TAFA2: variants seen among roughly 807,000 people sequenced by gnomAD.
TAFA2 encodes TAFA chemokine like family member 2.
Under a neutral mutation model 18.8 loss-of-function variants are expected in TAFA2, and 7 were observed. The observed-to-expected ratio is 0.37, with a 90% CI of 0.21 to 0.70. The LOEUF (loss-of-function observed/expected upper bound fraction) is 0.70. TAFA2 is among the 30% of genes least tolerant of loss of function. The pLI, the probability that TAFA2 is intolerant of heterozygous loss-of-function variation, is 0.53. For missense variants in TAFA2, 122 were observed against 158.1 expected (o/e 0.77, Z 1.23); for synonymous variants, 60 against 54.2 (o/e 1.11, Z -0.47).
intron 2 of TAFA2, among the ~76,000 whole-genome samples, chr12:61,803,248 A>G (rs1871469675): frequency 6.6e-6 from 1 of 151,928 alleles, no homozygotes; most frequent in African/African-American, 2.4e-5. Context: ...TGAAAGCCAA[A>G]GTACTATTAG....
chr12:61,731,471 A>G (rs988909588), intron 4 of TAFA2, among the ~76,000 whole-genome samples: 1 of 152,130 alleles, frequency 6.6e-6, no homozygotes, highest in Non-Finnish European at 1.5e-5. Flanking sequence ...CAGAAGTACA[A>G]CACATTTTTT....
Position 62,235,220 on chromosome 12 carries a change from G to A in TAFA2, c.-130+23543C>T. On this transcript the variant is annotated intron_variant, in intron 1 of 5. Transcript: ENST00000551619. ...GAGTGGGAGTCGCTTAGGGGCAGTA[G>A]CTCACGCCATGCTCAGGCAGTGGCA... is the stretch of plus-strand genomic sequence containing the variant. 3 of 655,434 alleles carry A rather than the reference G, an allele frequency of 4.6e-6. No homozygotes were observed. In the South Asian group the frequency reaches 4.8e-5, roughly 11 times the overall value. 40.6% of individuals were successfully genotyped at this position (655,434 alleles called of 1,614,324 possible). A position where few individuals can be genotyped will look rare whatever the true frequency, so the allele number is the denominator to read the frequency against.
At position 62,095,104 on chromosome 12, in the gene TAFA2, G is replaced by C. The variant is rs192720394; in HGVS notation, c.-2+96155C>G. Among the ~76,000 whole-genome samples the C allele has an allele frequency of 5.3e-5, 8 of 152,130 alleles. No homozygotes were observed. In the East Asian group the frequency reaches 1.5e-3, roughly 29 times the overall value. On this transcript the variant is annotated intron_variant, in intron 1 of 4. Transcript: ENST00000416284. ...AGGGAATCTGAGTGACATAGTAAAAGTGTCCTTCGTAGGACACTTACTTAT... is the reference window on the plus strand; with the variant it reads ...AGGGAATCTGAGTGACATAGTAAAACTGTCCTTCGTAGGACACTTACTTAT...
intron 1 of TAFA2, among the ~76,000 whole-genome samples, chr12:62,112,669 C>G (rs1269250412): frequency 6.6e-6 from 1 of 152,032 alleles, no homozygotes; most frequent in South Asian, 2.1e-4. Flanking sequence ...TTCTTGGAGG[C>G]TTTCTTCGTT....
intron 1 of TAFA2, among the ~76,000 whole-genome samples, chr12:62,041,933 A>G (rs778212923): frequency 6.6e-6 from 1 of 152,196 alleles, no homozygotes; most frequent in African/African-American, 2.4e-5. Flanking sequence ...AAATACAAAA[A>G]TACAAAAGAG....
chr12:61,859,251 A>G (rs758176984), intron 2 of TAFA2, among the ~76,000 whole-genome samples: 13 of 152,168 alleles, frequency 8.5e-5, no homozygotes, highest in African/African-American at 1.2e-4. Context: ...CCAGACACTT[A>G]TAAAACCATC....
chr12:62,069,270 A>T lies in TAFA2; in HGVS notation c.-2+121989T>A, dbSNP rs1400789737. Among the ~76,000 whole-genome samples, 3 of 152,292 alleles carry T rather than the reference A, an allele frequency of 2.0e-5. No individual in the cohort carries two copies. The East Asian group carries it at 5.8e-4, about 29-fold the overall frequency. On this transcript the variant is annotated intron_variant, in intron 1 of 4. Transcript: ENST00000416284. Reference sequence around the variant, plus strand: ...CCTAATGGCATAGGGGCAGGAAAGAATCAAAACAGAGGTTTCTTTAAAGGT... The same window carrying T: ...CCTAATGGCATAGGGGCAGGAAAGATTCAAAACAGAGGTTTCTTTAAAGGT...
chr12:61,846,487 T>C (rs954425676), intron 2 of TAFA2, among the ~76,000 whole-genome samples: 2 of 152,204 alleles, frequency 1.3e-5, no homozygotes, highest in Non-Finnish European at 2.9e-5. Flanking sequence ...TTCTTGTTTA[T>C]GACTTATTTA....
At chr12:61,861,988 A>G (rs1022373364) in intron 2 of TAFA2, among the ~76,000 whole-genome samples, 8 of 152,122 alleles carry the variant, frequency 5.3e-5, no homozygotes, top group Admixed American at 3.3e-4. Flanking sequence ...TTTCGTGGGT[A>G]TAACTCACCT....
At chr12:62,176,786 C>T (rs1237480343) in intron 1 of TAFA2, among the ~76,000 whole-genome samples, 1 of 152,262 alleles carries the variant, frequency 6.6e-6, no homozygotes, top group South Asian at 2.1e-4. Flanking sequence ...CTTAGCATTT[C>T]CAGATACAAA....
chr12:61,874,551 G>C (rs746866817), intron 1 of TAFA2, among the ~76,000 whole-genome samples: 5 of 151,970 alleles, frequency 3.3e-5, no homozygotes, highest in Non-Finnish European at 5.9e-5. Context: ...AATTCTGGTG[G>C]GCACAAAAAT....
At chr12:62,161,706 A>G (rs1428803859) in intron 1 of TAFA2, among the ~76,000 whole-genome samples, 2 of 152,216 alleles carry the variant, frequency 1.3e-5, no homozygotes, top group Non-Finnish European at 2.9e-5. Context: ...ACAAATTTCT[A>G]AAAGGGTAAA....
chr12:62,205,443 C>T (rs1382154658), intron 1 of TAFA2, among the ~76,000 whole-genome samples: 1 of 152,262 alleles, frequency 6.6e-6, no homozygotes, highest in Admixed American at 6.5e-5. Context: ...ACTAAGTCTG[C>T]TGACCCAGAG....
chr12:61,834,273 T>C (rs771406112), intron 2 of TAFA2, among the ~76,000 whole-genome samples: 1 of 151,994 alleles, frequency 6.6e-6, no homozygotes, highest in Non-Finnish European at 1.5e-5. Context: ...TCCTACTTCT[T>C]CCCACTCAGG....
At chr12:62,120,237 G>T (rs557421511) in intron 1 of TAFA2, among the ~76,000 whole-genome samples, 5 of 152,076 alleles carry the variant, frequency 3.3e-5, no homozygotes, top group African/African-American at 1.2e-4. Flanking sequence ...CATCTATGTC[G>T]TTCCACAACT....
intron 1 of TAFA2, among the ~76,000 whole-genome samples, chr12:62,098,069 A>C (rs1321134309): frequency 6.6e-6 from 1 of 152,196 alleles, no homozygotes; most frequent in Non-Finnish European, 1.5e-5. Flanking sequence ...AAGTGAAAAC[A>C]CATCTGTCAA....
In TAFA2 at chr12:61,824,096, C is replaced by T. The variant is rs115796596; in HGVS notation, c.106+43224G>A. The stretch of plus-strand genomic sequence containing the variant: ...TTAGATTCTCCCTTGTCAGCTGTGA[C>T]GAAGCAAGTAGAAATGGACACTACA... On this transcript the variant is annotated intron_variant, in intron 2 of 4. Transcript: ENST00000416284. Among the ~76,000 whole-genome samples the T allele has an allele frequency of 3.5e-3, 536 of 152,248 alleles. 3 individuals carry two copies. Among genetic ancestry groups the T allele is most frequent in the African/African-American group, 0.012 (496 of 41,548 alleles).
rs370166185 is a variant in TAFA2, at chr12:61,888,083, G to A, written c.-1-20657C>T. ...ATCATTAAAAAGTCAGGAAACAACAGGTGCTGGAGAGGATGTGGAGAAACA... is the reference window on the plus strand; with the variant it reads ...ATCATTAAAAAGTCAGGAAACAACAAGTGCTGGAGAGGATGTGGAGAAACA... On this transcript the variant is annotated intron_variant, in intron 1 of 4. Transcript: ENST00000416284. 2.4e-4 allele frequency among the ~76,000 whole-genome samples: 37 copies of A among 152,026 alleles called. No individual in the cohort carries two copies. In the East Asian group the frequency reaches 7.0e-3, roughly 29 times the overall value.
chr12:62,124,716 A>G (rs1324356530), intron 1 of TAFA2, among the ~76,000 whole-genome samples: 2 of 152,220 alleles, frequency 1.3e-5, no homozygotes, highest in African/African-American at 4.8e-5. Context: ...CTAGTATTCA[A>G]CAATAAATAC....
Sources: gnomAD v4.1 joint callset for allele counts (sites outside exome capture counted in the v4.1 genomes callset) on GRCh38, gnomAD v4.1.1 for gene constraint, MANE v1.5 for transcripts, NCBI Gene and HGNC (gene_info 2026-07-23, HGNC 2026-07-21) for gene names.